PPHLN1: variants seen among roughly 807,000 people sequenced by gnomAD.
PPHLN1 encodes periphilin-1.
In PPHLN1, 29 loss-of-function variants were observed where a neutral mutation model predicts 51.3. The observed-to-expected ratio is 0.57, with a 90% CI of 0.42 to 0.77. PPHLN1 has a LOEUF of 0.77. Ranked by LOEUF, PPHLN1 falls within the 30% of genes least tolerant of loss-of-function variation. PPHLN1 has a pLI of 0.00. For missense variants in PPHLN1, 436 were observed against 438.4 expected (o/e 0.99, Z 0.05); for synonymous variants, 147 against 147.8 (o/e 0.99, Z 0.04).
chr12:42,362,321 G>T (rs1215384588), intron 4 of PPHLN1, among the ~76,000 whole-genome samples: 1 of 151,968 alleles, frequency 6.6e-6, no homozygotes, highest in African/African-American at 2.4e-5. Context: ...CCATTCTGTT[G>T]ATTGTCTTTT....
chr12:42,383,848 G>T (rs2076959390), intron 5 of PPHLN1, among the ~76,000 whole-genome samples: 1 of 151,902 alleles, frequency 6.6e-6, no homozygotes, highest in African/African-American at 2.4e-5. Flanking sequence ...GCCAGGTGTG[G>T]TCGCAGGTGC....
chr12:42,429,275 CA>C, intron 9 of PPHLN1, among the ~76,000 whole-genome samples: 1 of 152,182 alleles, frequency 6.6e-6, no homozygotes. Flanking sequence ...TCCTAATCAA[CA>C]GTCTTTAGTT....
rs549645498 is a variant in PPHLN1, at chr12:42,351,151, A to G, written c.73-734A>G. Among the ~76,000 whole-genome samples, 3 of 152,272 alleles carry G rather than the reference A, an allele frequency of 2.0e-5. No homozygotes were observed. The South Asian group carries it at 6.2e-4, about 32-fold the overall frequency. On this transcript the variant is annotated intron_variant, in intron 2 of 9. Coordinates refer to ENST00000358314, the MANE Select transcript of PPHLN1 (RefSeq NM_201439.2). ...TGATGTGTCATGAATGCCCAAGACC[A>G]GATTATGTACAGATATATGTTCTGT...
In PPHLN1 at chr12:42,335,886, C is replaced by A; in HGVS notation, c.-17C>A. ...TAATTCTTTTTTTTTTCTTTAGTGG[C>A]TTACAGAAGAGACGAAATGTGGTCT... On this transcript the variant is annotated 5_prime_UTR_variant, in exon 2 of 10. Coordinates refer to ENST00000358314, the MANE Select transcript of PPHLN1 (RefSeq NM_201439.2). 1 of 1,516,504 alleles carries A rather than the reference C, an allele frequency of 6.6e-7. No homozygotes were observed. Among genetic ancestry groups the A allele is most frequent in the Non-Finnish European group, 8.9e-7 (1 of 1,128,812 alleles). The allele number at this position is 1,516,504 out of a possible 1,614,324, so 93.9% of individuals were successfully genotyped here.
At chr12:42,444,777 C>G (rs947678391), downstream of PPHLN1, 3 of 414,230 alleles carry the variant, frequency 7.2e-6, no homozygotes, top group Non-Finnish European at 1.3e-5. Context: ...TGCTGACAAA[C>G]TACTTCAGTT....
At chr12:42,368,958 C>G (rs1287733612) in intron 4 of PPHLN1, among the ~76,000 whole-genome samples, 1 of 152,190 alleles carries the variant, frequency 6.6e-6, no homozygotes. Flanking sequence ...TGAAAACTTT[C>G]AGGACGTGCG....
intron 4 of PPHLN1, among the ~76,000 whole-genome samples, chr12:42,373,868 C>T (rs1212598153): frequency 2.0e-5 from 3 of 152,126 alleles, no homozygotes; most frequent in Non-Finnish European, 4.4e-5. Context: ...AGGATGCACA[C>T]TCAGCAAGAA....
chr12:42,418,844 A>G (rs138862373), intron 9 of PPHLN1, among the ~76,000 whole-genome samples: 1 of 152,234 alleles, frequency 6.6e-6, no homozygotes, highest in African/African-American at 2.4e-5. Flanking sequence ...TAGGCACTAC[A>G]TGTTTTTTTC....
intron 1 of PPHLN1, among the ~76,000 whole-genome samples, chr12:42,333,849 G>C (rs1043673196): frequency 2.6e-5 from 4 of 152,182 alleles, no homozygotes; most frequent in South Asian, 2.1e-4. Flanking sequence ...GATTTTTGCA[G>C]AGCTTTTGGA....
At chr12:42,444,655 A>G (rs1395889946), downstream of PPHLN1, 2 of 179,818 alleles carry the variant, frequency 1.1e-5, no homozygotes, top group African/African-American at 2.4e-5. Flanking sequence ...TATGACCCTG[A>G]TGTCATAAGA....
At chr12:42,445,467 A>T (rs536177424), downstream of PPHLN1, 44 of 266,438 alleles carry the variant, frequency 1.7e-4, no homozygotes, top group Middle Eastern at 2.6e-3. Context: ...ACTAAGATAT[A>T]TACATGTATC....
chr12:42,365,294 C>T (rs2075149280), intron 4 of PPHLN1, among the ~76,000 whole-genome samples: 1 of 152,172 alleles, frequency 6.6e-6, no homozygotes, highest in African/African-American at 2.4e-5. Flanking sequence ...TTGGAAGTCC[C>T]TATTGACTAG....
intron 8 of PPHLN1, among the ~76,000 whole-genome samples, chr12:42,395,473 T>C (rs2078115573): frequency 6.6e-6 from 1 of 152,206 alleles, no homozygotes; most frequent in African/African-American, 2.4e-5. Context: ...CTTAGTCCCA[T>C]ATCATATTAA....
intron 5 of PPHLN1, 104 bp downstream of exon 5, chr12:42,375,178 T>C (rs1219040696): frequency 3.1e-6 from 3 of 954,124 alleles, no homozygotes; most frequent in Non-Finnish European, 4.5e-6. Flanking sequence ...TTTTAAACTT[T>C]TTATTTTGAA....
downstream of PPHLN1, chr12:42,447,800 G>C (rs1301421551): frequency 6.6e-6 from 1 of 152,162 alleles, no homozygotes; most frequent in African/African-American, 2.4e-5. Context: ...ATTCTATAAT[G>C]GGTGCCTCAA....
chr12:42,355,666 G>A, intron 4 of PPHLN1: 1 of 153,792 alleles, frequency 6.5e-6, no homozygotes, highest in Non-Finnish European at 1.4e-5. Context: ...CAGGAGGATT[G>A]CTTGAACCTG....
At position 42,357,636 on chromosome 12, in the gene PPHLN1, CTT is replaced by C. The variant is rs543579706; in HGVS notation, c.299+2417_299+2418del. ...ATGTGAAAGGCAGAATTGTAAAACA[CTT>C]TTAAAAACTAGATCAGCTAGTGGCT... On this transcript the variant is annotated intron_variant, in intron 4 of 9. Transcript: ENST00000358314. 1.7e-3 allele frequency among the ~76,000 whole-genome samples: 253 copies of C among 152,246 alleles called. 2 individuals are homozygous for C. The highest frequency in any genetic ancestry group is 6.4e-3 in the East Asian group (33 of 5,188).
At chr12:42,424,543 A>G (rs2081263823) in intron 9 of PPHLN1, among the ~76,000 whole-genome samples, 1 of 152,064 alleles carries the variant, frequency 6.6e-6, no homozygotes, top group South Asian at 2.1e-4. Flanking sequence ...ACAAATACAT[A>G]TTTTTCAGTT....
rs760957755 is a variant in PPHLN1 at position 42,335,934 on chromosome 12, G to A, written c.32G>A (p.Arg11Lys). Residue 11 changes from arginine to lysine, a missense_variant, in exon 2 of 10, where the codon AGA becomes AAA. Arg to Lys is a conservative substitution (Grantham distance 26). Transcript: ENST00000358314. Reference sequence around the variant, plus strand: ...TCTGAGGGACGATATGAATATGAAAGAATTCCGAGAGAACGAGCACCTCCT... The same window carrying A: ...TCTGAGGGACGATATGAATATGAAAAAATTCCGAGAGAACGAGCACCTCCT... MWSEGRYEYE[R>K]IPRERAPPRS... is the part of the protein sequence containing the mutation. 3.2e-6 allele frequency: 5 copies of A among 1,585,830 alleles called. No homozygotes were observed. The highest frequency in any genetic ancestry group is 1.7e-5 in the Admixed American group (1 of 57,502).
Sources: allele counts gnomAD v4.1 joint callset (sites outside exome capture counted in the v4.1 genomes callset), GRCh38; gene constraint gnomAD v4.1.1; transcripts MANE v1.5; gene names NCBI Gene and HGNC (gene_info 2026-07-23, HGNC 2026-07-21).